The following ODAPH variants were observed in gnomAD, a reference collection of about 807,000 sequenced individuals.
ODAPH encodes amelogenesis imperfecta type IIA4.
In ODAPH, 2 loss-of-function variants were observed where a neutral mutation model predicts 2.8. The observed-to-expected ratio is 0.72, with a 90% CI of 0.30 to 2.28. The LOEUF (loss-of-function observed/expected upper bound fraction) is 2.28, where lower values mean the gene tolerates loss of function less well. ODAPH is among the 30% of genes most tolerant of loss of function. The probability of loss-of-function intolerance (pLI) is 0.13; values close to 1 mark genes in which losing one functional copy is unlikely to be tolerated. For missense variants in ODAPH, 159 were observed against 163.3 expected (o/e 0.97, Z 0.14); for synonymous variants, 75 against 60.3 (o/e 1.24, Z -1.13).
At chr4:75,558,538 T>G (rs1234676716) in intron 1 of ODAPH, among the ~76,000 whole-genome samples, 1 of 152,082 alleles carries the variant, frequency 6.6e-6, no homozygotes, top group Non-Finnish European at 1.5e-5. Context: ...TCTTTCATCA[T>G]TACCTTTTTT....
downstream of ODAPH, chr4:75,565,706 T>C (rs1206360458): frequency 6.6e-6 from 1 of 151,744 alleles, no homozygotes; most frequent in Non-Finnish European, 1.5e-5. Context: ...TTGCACTTTT[T>C]CCTCCCAAGA....
intron 1 of ODAPH, among the ~76,000 whole-genome samples, chr4:75,557,634 T>G (rs1727389172): frequency 6.6e-6 from 1 of 152,214 alleles, no homozygotes; most frequent in South Asian, 2.1e-4. Context: ...AGTGAAACTC[T>G]GTCTCAAAAA....
chr4:75,559,141 G>A (rs1727463481), intron 1 of ODAPH, among the ~76,000 whole-genome samples: 1 of 152,194 alleles, frequency 6.6e-6, no homozygotes, highest in Non-Finnish European at 1.5e-5. Flanking sequence ...CTATAAGCCA[G>A]GGACTATTCT....
intron 1 of ODAPH, among the ~76,000 whole-genome samples, chr4:75,557,859 G>A (rs1180765974): frequency 1.3e-5 from 2 of 152,174 alleles, no homozygotes; most frequent in Non-Finnish European, 2.9e-5. Context: ...AGCAACCACA[G>A]CTGCTCCCTC....
chr4:75,563,680 T>C (rs1223117471), intron 1 of ODAPH, among the ~76,000 whole-genome samples: 3 of 152,230 alleles, frequency 2.0e-5, no homozygotes, highest in Admixed American at 6.5e-5. Context: ...AGTATGTACA[T>C]TTCTGTGTCT....
chr4:75,558,549 T>A (rs187226180), intron 1 of ODAPH, among the ~76,000 whole-genome samples: 101 of 152,296 alleles, frequency 6.6e-4, no homozygotes, highest in African/African-American at 2.3e-3. Flanking sequence ...TACCTTTTTT[T>A]AAAAAAGTAC....
In ODAPH at chr4:75,556,134, G is replaced by C; in HGVS notation, c.52G>C (p.Val18Leu). 6.2e-7 allele frequency: 1 copy of C among 1,614,148 alleles called. No homozygotes were observed. Among genetic ancestry groups the C allele is most frequent in the Non-Finnish European group, 8.5e-7 (1 of 1,179,984 alleles). Residue 18 changes from valine (V) to leucine (L), a missense_variant, in exon 1 of 2, where the codon GTA (valine) becomes CTA (leucine). Coordinates refer to ENST00000311623, the MANE Select transcript of ODAPH (RefSeq NM_178497.5). ...SYWLLVCWLV[V>L]TVAEGQEEVF... ...CTGGTTACTGGTATGCTGGTTGGTG[G>C]TAACTGTGGCAGAAGGTAAGGGTTT...
chr4:75,563,014 T>G lies in ODAPH; in HGVS notation c.68-1100T>G, dbSNP rs1312753024. ...AATAAAATCCACACATCTTTTTTTT[T>G]TTTTTTTTTTTTTTTTTTTTTTTTT... On this transcript the variant is annotated intron_variant, in intron 1 of 1. Transcript: ENST00000311623. Among the ~76,000 whole-genome samples, 250 of 58,290 alleles carry G rather than the reference T, an allele frequency of 4.3e-3. 2 individuals are homozygous for G. The highest frequency in any genetic ancestry group is 0.019 in the African/African-American group (234 of 12,084). 38.2% of individuals were successfully genotyped at this position (58,290 alleles called of 152,430 possible).
Position 75,564,428 on chromosome 4 carries a change from G to C in ODAPH, c.382G>C (p.Glu128Gln). 6.2e-7 allele frequency: 1 copy of C among 1,614,152 alleles called. No homozygotes were observed. Among genetic ancestry groups the C allele is most frequent in the Non-Finnish European group, 8.5e-7 (1 of 1,180,020 alleles). The part of the protein sequence containing the change: ...RRRLQRGSSS[E>Q]ES ...AAGACTCCAGAGAGGAAGCTCATCT[G>C]AGGAAAGCTGAGAGGGAAGAGAAAC... The change falls in exon 2 of 2, where the codon GAG (glutamate) becomes CAG (glutamine). Residue 128 changes from glutamate (E) to glutamine (Q), a missense_variant. Transcript: ENST00000311623.
intron 1 of ODAPH, among the ~76,000 whole-genome samples, chr4:75,559,435 T>C (rs1727475786): frequency 6.6e-6 from 1 of 152,256 alleles, no homozygotes; most frequent in Non-Finnish European, 1.5e-5. Context: ...GGTAGTATTC[T>C]TTTCTTCATT....
downstream of ODAPH, chr4:75,565,119 C>T (rs1727762851): frequency 6.5e-6 from 1 of 154,474 alleles, no homozygotes; most frequent in Non-Finnish European, 1.4e-5. Flanking sequence ...GCCTCAGCCT[C>T]CCAAGTAGCT....
intron 1 of ODAPH, among the ~76,000 whole-genome samples, chr4:75,559,793 T>A (rs76899224): frequency 6.6e-6 from 1 of 152,162 alleles, no homozygotes; most frequent in Non-Finnish European, 1.5e-5. Flanking sequence ...TCAATTCAAT[T>A]GTACTGGAGG....
At chr4:75,560,733 C>T (rs1210786735) in intron 1 of ODAPH, among the ~76,000 whole-genome samples, 2 of 152,208 alleles carry the variant, frequency 1.3e-5, no homozygotes, top group African/African-American at 2.4e-5. Context: ...AGAAAACTTG[C>T]CTTGCAGGCT....
chr4:75,556,287 A>G lies in ODAPH; in HGVS notation c.67+138A>G, dbSNP rs17214357. Reference sequence around the variant, plus strand: ...CTTCCATCAGCCTGTGTGGTTAAAGAGAAGGAAGTTGGATTTTGTCACCTG... The same window carrying G: ...CTTCCATCAGCCTGTGTGGTTAAAGGGAAGGAAGTTGGATTTTGTCACCTG... On this transcript the variant is annotated intron_variant, in intron 1 of 1. Coordinates refer to ENST00000311623, the MANE Select transcript of ODAPH (RefSeq NM_178497.5). 56,320 of 932,436 alleles carry G rather than the reference A, an allele frequency of 0.06. 2,085 individuals are homozygous for G. The highest frequency in any genetic ancestry group is 0.074 in the Non-Finnish European group (44,296 of 602,624). The allele number at this position is 932,436 out of a possible 1,614,324, so 57.8% of individuals were successfully genotyped here. A position where few individuals can be genotyped will look rare whatever the true frequency, so the allele number is the denominator to read the frequency against.
intron 1 of ODAPH, among the ~76,000 whole-genome samples, chr4:75,557,779 A>T (rs570071340): frequency 3.3e-4 from 51 of 152,276 alleles, no homozygotes; most frequent in African/African-American, 1.1e-3. Flanking sequence ...TCGTTCACAC[A>T]CACCCTGGGT....
At position 75,556,542 on chromosome 4, in the gene ODAPH, A is replaced by G. The variant is rs1264699817; in HGVS notation, c.67+393A>G. The G allele has an allele frequency of 4.6e-6, 7 of 1,534,846 alleles. 1 individual carries two copies. In the South Asian group the frequency reaches 8.3e-5, roughly 18 times the overall value. ...TAACAATTCCACTTTGAATTACAGC[A>G]CTGTCCACTTTCTATCTCCAGCAGC... On this transcript the variant is annotated intron_variant, in intron 1 of 1. Transcript: ENST00000311623.
intron 1 of ODAPH, among the ~76,000 whole-genome samples, chr4:75,560,159 G>A (rs774282297): frequency 2.0e-5 from 3 of 152,190 alleles, no homozygotes; most frequent in Non-Finnish European, 4.4e-5. Context: ...TAAATAGGGG[G>A]AGAAGTGGAA....
At chr4:75,556,566 G>C in intron 1 of ODAPH, 1 of 1,535,084 alleles carries the variant, frequency 6.5e-7, no homozygotes, top group Non-Finnish European at 8.7e-7. Flanking sequence ...ATCTCCAGCA[G>C]CATATTAATT....
At chr4:75,561,244 A>C (rs936139203) in intron 1 of ODAPH, among the ~76,000 whole-genome samples, 1 of 150,526 alleles carries the variant, frequency 6.6e-6, no homozygotes, top group African/African-American at 2.4e-5. Flanking sequence ...AAAAAAAAAA[A>C]CGAGACTAGC....
Sources: allele counts gnomAD v4.1 joint callset (sites outside exome capture counted in the v4.1 genomes callset), GRCh38; gene constraint gnomAD v4.1.1; transcripts MANE v1.5; gene names NCBI Gene and HGNC (gene_info 2026-07-23, HGNC 2026-07-21).